The following PTPRS variants were observed in gnomAD, a reference collection of about 807,000 sequenced individuals.
PTPRS encodes the protein protein tyrosine phosphatase receptor type S.
PTPRS carries 63 observed loss-of-function variants against 215.3 expected under a neutral mutation model. The observed-to-expected ratio is 0.29, with a 90% CI of 0.24 to 0.36. The LOEUF is 0.36. Among genes scored for constraint, PTPRS ranks in the 10% least tolerant of loss-of-function variants. The probability of loss-of-function intolerance (pLI) is 1.00; values close to 1 mark genes in which losing one functional copy is unlikely to be tolerated. For missense variants in PTPRS, 2,258 were observed against 2,825.8 expected, an observed-to-expected ratio of 0.80 and a Z score of 4.56; for synonymous variants, 1,404 against 1,191.4, an observed-to-expected ratio of 1.18 and a Z score of -3.68.
Position 5,222,714 on chromosome 19 carries a change from G to C in PTPRS, c.3078C>G (p.Arg1026=), listed in dbSNP as rs758212946. Residue 1026 remains arginine, a synonymous_variant, in exon 18 of 38, where the codon CGC becomes CGG. Coordinates refer to ENST00000262963, the MANE Select transcript of PTPRS (RefSeq NM_002850.4). The part of the protein sequence containing the change: ...RGPGPFSPPV[R]YRTFLRDQVS... ...CTTGGTCCCGCAGGAACGTCCGGTA[G>C]CGGACGGGGGGGCTGAAGGGGCCAG... The C allele has an allele frequency of 3.1e-6, 5 of 1,593,784 alleles. No individual in the cohort carries two copies. The Admixed American group carries it at 8.4e-5, about 27-fold the overall frequency.
In PTPRS at chr19:5,210,604, A is replaced by C. The variant is rs750235235; in HGVS notation, c.5362-10T>G. On this transcript the variant is annotated splice_polypyrimidine_tract_variant and intron_variant, in intron 34 of 37. Transcript: ENST00000262963. The surrounding 1 kb of genome is among the most constrained non-coding windows in gnomAD (Gnocchi z 4.5). ...ACTGGTGACACTTCTCCTGTGGAGG[A>C]GATGGCGGCCGTGGTCAGCGCTGTC... 3 of 1,614,026 alleles carry C rather than the reference A, an allele frequency of 1.9e-6. No homozygotes were observed. The highest frequency in any genetic ancestry group is 1.7e-5 in the Admixed American group (1 of 60,010).
At chr19:5,278,183 C>CAA (rs397951131) in intron 2 of PTPRS, 1,578 of 126,784 alleles carry the variant, frequency 0.012, 17 homozygotes, top group East Asian at 0.073. Context: ...TAGAAACTGC[C>CAA]AAAAAAAAAA....
intron 1 of PTPRS, among the ~76,000 whole-genome samples, chr19:5,315,956 C>T (rs1331249849): frequency 6.7e-6 from 1 of 149,560 alleles, no homozygotes; most frequent in African/African-American, 2.5e-5. Flanking sequence ...TTGCACAGAT[C>T]TGGGGCCGGG....
intron 1 of PTPRS, among the ~76,000 whole-genome samples, chr19:5,336,101 G>A (rs963660920): frequency 1.3e-5 from 2 of 151,482 alleles, no homozygotes; most frequent in Non-Finnish European, 2.9e-5. Flanking sequence ...GTTAATTTTC[G>A]CCTTTGGAGA....
chr19:5,311,308 C>T (rs1199089599), intron 1 of PTPRS, among the ~76,000 whole-genome samples: 1 of 152,164 alleles, frequency 6.6e-6, no homozygotes, highest in African/African-American at 2.4e-5. Flanking sequence ...TGCGCCCGGC[C>T]CCTATTTGTT....
At chr19:5,232,897 G>A (rs747272771) in intron 13 of PTPRS, among the ~76,000 whole-genome samples, 3 of 150,286 alleles carry the variant, frequency 2.0e-5, no homozygotes, top group Non-Finnish European at 3.0e-5. Context: ...ATGTGCCAGC[G>A]CCAAGGGCTT....
Position 5,220,269 on chromosome 19 carries a change from A to T in PTPRS, c.3540T>A (p.Asp1180Glu). ...GGCCCCAGGCCCTCACCTCTTCCAG[A>T]TCCATGTCCTCTGGGCTACCCAGCG... ...LTPLGSPEDM[D>E]LEELIQDISR... Residue 1180 changes from aspartate (D) to glutamate (E), a missense_variant, in exon 21 of 38, where the codon GAT (aspartate) becomes GAA (glutamate). Around this residue, in one of 6 missense-constraint regions of PTPRS, gnomAD observed 927 missense variants for 1,125.9 expected, o/e 0.82. Transcript: ENST00000262963. The T allele has an allele frequency of 1.2e-6, 2 of 1,613,984 alleles. No individual in the cohort carries two copies. The highest frequency in any genetic ancestry group is 1.7e-6 in the Non-Finnish European group (2 of 1,179,938).
chr19:5,309,532 C>T (rs967812485), intron 1 of PTPRS, among the ~76,000 whole-genome samples: 9 of 152,106 alleles, frequency 5.9e-5, no homozygotes, highest in African/African-American at 2.2e-4. Context: ...TCAGGAGCTG[C>T]CAACTCCATG....
chr19:5,286,029 C>CA, intron 2 of PTPRS, 21 bp downstream of exon 2: 1 of 1,607,246 alleles, frequency 6.2e-7, no homozygotes, highest in South Asian at 1.1e-5. Context: ...GACCCCTGCA[C>CA]ATCCCGTGCC....
intron 1 of PTPRS, among the ~76,000 whole-genome samples, chr19:5,317,502 A>G (rs16992920): frequency 0.18 from 28,051 of 152,166 alleles, 2,805 homozygotes; most frequent in Admixed American, 0.29. Context: ...TGCACAGGAA[A>G]TGAGCAATCA....
intron 12 of PTPRS, 108 bp from the exon 13 acceptor site, chr19:5,239,171 G>A: frequency 1.4e-6 from 1 of 708,716 alleles, no homozygotes; most frequent in Non-Finnish European, 2.3e-6. Flanking sequence ...GGGGGAGAGA[G>A]AGAGAGAGAG....
intron 1 of PTPRS, among the ~76,000 whole-genome samples, chr19:5,316,751 A>T (rs1402201692): frequency 2.6e-5 from 4 of 151,122 alleles, no homozygotes; most frequent in Non-Finnish European, 5.9e-5. Flanking sequence ...CTGGTCTCGA[A>T]CTCCTGAGCT....
At chr19:5,211,515 A>C (rs1425242397) in intron 33 of PTPRS, 75 bp downstream of exon 33, 1 of 1,465,526 alleles carries the variant, frequency 6.8e-7, no homozygotes, top group African/African-American at 1.4e-5. Flanking sequence ...TCTGTCTCCC[A>C]CAAGACTGGA....
chr19:5,267,644 A>G lies in PTPRS; in HGVS notation c.380-2448T>C, dbSNP rs560244636. On this transcript the variant is annotated intron_variant, in intron 4 of 37. Coordinates refer to ENST00000262963, the MANE Select transcript of PTPRS (RefSeq NM_002850.4). ...TGCACTCCAGCCTGGGCGACAGAGCAAGACTGTCTCAAAAAAAAAAAAAAA... is the reference window on the plus strand; with the variant it reads ...TGCACTCCAGCCTGGGCGACAGAGCGAGACTGTCTCAAAAAAAAAAAAAAA... Among the ~76,000 whole-genome samples the G allele has an allele frequency of 6.4e-3, 881 of 136,946 alleles. 11 individuals are homozygous for G. The highest frequency in any genetic ancestry group is 0.023 in the African/African-American group (819 of 36,280). 89.8% of individuals were successfully genotyped at this position (136,946 alleles called of 152,430 possible).
chr19:5,208,625 G>A (rs1439827883), intron 35 of PTPRS, among the ~76,000 whole-genome samples: 1 of 152,128 alleles, frequency 6.6e-6, no homozygotes, highest in Non-Finnish European at 1.5e-5. Context: ...TGGGATTACA[G>A]GCATGAGCCA....
intron 7 of PTPRS, among the ~76,000 whole-genome samples, 199 bp downstream of exon 7, chr19:5,260,606 G>A (rs1343942784): frequency 6.6e-6 from 1 of 152,192 alleles, no homozygotes; most frequent in Non-Finnish European, 1.5e-5. Context: ...GACCTGAGGA[G>A]TCACCTCGGC....
intron 12 of PTPRS, 101 bp from the exon 13 acceptor site, chr19:5,239,164 G>GAA: frequency 6.9e-6 from 3 of 432,332 alleles, no homozygotes; most frequent in Non-Finnish European, 1.2e-5. Flanking sequence ...GGGGGGAGGG[G>GAA]GAGAGAGAGA....
At chr19:5,340,339 G>C (rs1463393262) in intron 1 of PTPRS, among the ~76,000 whole-genome samples, 7 of 151,168 alleles carry the variant, frequency 4.6e-5, no homozygotes, top group Middle Eastern at 3.4e-3. Flanking sequence ...GGCGGCGCTG[G>C]GCAGCTTCCA....
At chr19:5,273,618 G>A in intron 3 of PTPRS, 35 bp from the exon 4 acceptor site, 1 of 1,612,924 alleles carries the variant, frequency 6.2e-7, no homozygotes, top group Non-Finnish European at 8.5e-7. Context: ...ACAGAGTGAG[G>A]CTGGGGTCCC....
Sources: gnomAD v4.1 joint callset for allele counts (sites outside exome capture counted in the v4.1 genomes callset) on GRCh38, gnomAD v4.1.1 for gene constraint, gnomAD v4.1.1 regional missense constraint, Gnocchi (gnomAD v3.1) non-coding constraint, MANE v1.5 for transcripts, NCBI Gene and HGNC (gene_info 2026-07-23, HGNC 2026-07-21) for gene names.